The following ACLY variants were observed in gnomAD, a reference collection of about 807,000 sequenced individuals.
The protein encoded by ACLY is ATP-citrate synthase.
ACLY carries 41 observed loss-of-function variants against 133.0 expected under a neutral mutation model. The observed-to-expected ratio is 0.31, with a 90% CI of 0.24 to 0.40. ACLY has a LOEUF of 0.40. Among genes scored for constraint, ACLY ranks in the 10% least tolerant of loss-of-function variants. The pLI, the probability that ACLY is intolerant of heterozygous loss-of-function variation, is 1.00. For missense variants in ACLY, 1,046 were observed against 1,453.8 expected, an observed-to-expected ratio of 0.72 and a Z score of 4.56; for synonymous variants, 495 against 549.3, an observed-to-expected ratio of 0.90 and a Z score of 1.38.
chr17:41,901,639 A>C, intron 11 of ACLY, 57 bp downstream of exon 11: 1 of 1,453,402 alleles, frequency 6.9e-7, no homozygotes, highest in Non-Finnish European at 9.6e-7. Context: ...CAGAAATCCC[A>C]AAGAGGAAGG....
chr17:41,879,413 CT>C lies in ACLY; in HGVS notation c.2266-490del, dbSNP rs1190398954. ...GAGCCACCACGCCTGCCCCCCCCGC[CT>C]TTTTTTTTTTTTTTTTTTTAAGTGA... On this transcript the variant is annotated intron_variant, in intron 20 of 28. Coordinates refer to ENST00000352035, the MANE Select transcript of ACLY (RefSeq NM_001096.3). Among the ~76,000 whole-genome samples, 867 of 128,838 alleles carry C rather than the reference CT, an allele frequency of 6.7e-3. 1 individual carries two copies. The highest frequency in any genetic ancestry group is 0.022 in the Middle Eastern group (5 of 228). The allele number at this position is 128,838 out of a possible 152,430, so 84.5% of individuals were successfully genotyped here. A position where few individuals can be genotyped will look rare whatever the true frequency, so the allele number is the denominator to read the frequency against.
intron 16 of ACLY, among the ~76,000 whole-genome samples, chr17:41,891,378 C>T (rs1488977342): frequency 2.0e-5 from 3 of 151,866 alleles, no homozygotes; most frequent in Admixed American, 6.6e-5. Context: ...TGGGGTGGAG[C>T]CTGAGCCACC....
chr17:41,892,749 TC>T (rs1555629585), intron 15 of ACLY, among the ~76,000 whole-genome samples: 1 of 151,926 alleles, frequency 6.6e-6, no homozygotes, highest in African/African-American at 2.4e-5. Flanking sequence ...TAATTAGAGT[TC>T]ACTGCAGCCT....
At chr17:41,876,619 C>A (rs1230929889) in intron 22 of ACLY, among the ~76,000 whole-genome samples, 3 of 152,222 alleles carry the variant, frequency 2.0e-5, no homozygotes, top group Non-Finnish European at 4.4e-5. Context: ...TTATCCCCAA[C>A]CCTGTGCTCT....
In ACLY at chr17:41,913,740, T is replaced by C; in HGVS notation, c.134A>G (p.Gln45Arg). Reference sequence around the variant, plus strand: ...CTGGCTGAGCAGCCAGGGGTGGTCCTGCAGCAAGCGGGCCCAGTCTGTGTC... The same window carrying C: ...CTGGCTGAGCAGCCAGGGGTGGTCCCGCAGCAAGCGGGCCCAGTCTGTGTC... ...TPDTDWARLL[Q>R]DHPWLLSQNL... Residue 45 changes from glutamine to arginine, a missense_variant, in exon 2 of 29, where the codon CAG (glutamine) becomes CGG (arginine). Transcript: ENST00000352035. 6.2e-7 allele frequency: 1 copy of C among 1,614,204 alleles called. No homozygotes were observed. Among genetic ancestry groups the C allele is most frequent in the Admixed American group, 1.7e-5 (1 of 60,028 alleles).
At chr17:41,898,555 A>G in intron 12 of ACLY, 76 bp downstream of exon 12, 2 of 1,544,968 alleles carry the variant, frequency 1.3e-6, no homozygotes, top group Non-Finnish European at 1.8e-6. Context: ...CCCAGGGAAC[A>G]GAGGAAGAAG....
At chr17:41,868,967 GC>G (rs2144189157) in intron 27 of ACLY, 75 bp downstream of exon 27, 1 of 1,388,302 alleles carries the variant, frequency 7.2e-7, no homozygotes, top group East Asian at 2.3e-5. Context: ...TTATGAGTAT[GC>G]ATTACTTTTA....
Position 41,886,293 on chromosome 17 carries a change from G to T in ACLY, c.1891C>A (p.Pro631Thr). The change falls in exon 18 of 29, where the codon CCT becomes ACT. Residue 631 changes from proline (P) to threonine (T), a missense_variant. Pro to Thr is a conservative substitution (Grantham distance 38, BLOSUM62 -1). Around this residue, in one of 4 missense-constraint regions of ACLY, gnomAD observed 575 missense variants for 804.2 expected, o/e 0.71. Transcript: ENST00000352035. ...GTGTTGCCAATCTTAAAGCACCCAG[G>T]CTTGATGCCTCCAACCTGTGGGGGC... ...IGPATVGGIK[P>T]GCFKIGNTGG... 1 of 1,610,492 alleles carries T rather than the reference G, an allele frequency of 6.2e-7. No homozygotes were observed. The highest frequency in any genetic ancestry group is 8.5e-7 in the Non-Finnish European group (1 of 1,177,014).
intron 28 of ACLY, 90 bp downstream of exon 28, chr17:41,868,619 A>T: frequency 2.7e-5 from 20 of 747,506 alleles, no homozygotes; most frequent in African/African-American, 3.6e-5. Flanking sequence ...AAAAAAAGAA[A>T]GAAAAAGAAA....
chr17:41,912,651 C>A, intron 2 of ACLY, 109 bp from the exon 3 acceptor site: 1 of 1,351,806 alleles, frequency 7.4e-7, no homozygotes. Flanking sequence ...TCACTCTGCT[C>A]CAAAGCCAGC....
At chr17:41,872,277 G>T (rs1224828715) in intron 23 of ACLY, 95 bp from the exon 24 acceptor site, 5 of 1,251,050 alleles carry the variant, frequency 4.0e-6, no homozygotes, top group Non-Finnish European at 5.6e-6. Context: ...ATCCAAGAAG[G>T]GTAACTACCA....
chr17:41,880,122 T>C (rs2048877288), intron 20 of ACLY, among the ~76,000 whole-genome samples: 1 of 152,204 alleles, frequency 6.6e-6, no homozygotes, highest in Admixed American at 6.5e-5. Context: ...AGAGTAATCA[T>C]AGTACTATCT....
At chr17:41,870,535 G>C (rs2048571224) in intron 25 of ACLY, 1 of 152,234 alleles carries the variant, frequency 6.6e-6, no homozygotes, top group Admixed American at 6.5e-5. Flanking sequence ...TGGAGCTACA[G>C]AGCCAAGGAG....
chr17:41,912,392 C>T (rs1555633778), intron 3 of ACLY, 28 bp downstream of exon 3: 3 of 1,611,500 alleles, frequency 1.9e-6, no homozygotes, highest in Non-Finnish European at 2.5e-6. Flanking sequence ...TTACCACACA[C>T]GTTCATCCTG....
At chr17:41,896,754 G>T in intron 13 of ACLY, 105 bp from the exon 14 acceptor site, 1 of 1,074,906 alleles carries the variant, frequency 9.3e-7, no homozygotes, top group Non-Finnish European at 1.3e-6. Context: ...AGCCTTTCAG[G>T]GCTAAAGCCC....
At chr17:41,877,428 C>G (rs1555626367) in intron 22 of ACLY, among the ~76,000 whole-genome samples, 1 of 151,422 alleles carries the variant, frequency 6.6e-6, no homozygotes. Flanking sequence ...CAGGCATGAG[C>G]CACCAGGCCC....
rs1395897810 is a variant in ACLY at position 41,910,655 on chromosome 17, G to T, written c.283-371C>A. Among the ~76,000 whole-genome samples, 7 of 152,332 alleles carry T rather than the reference G, an allele frequency of 4.6e-5. No individual in the cohort carries two copies. In the East Asian group the frequency reaches 1.4e-3, roughly 29 times the overall value. On this transcript the variant is annotated intron_variant, in intron 3 of 28. Transcript: ENST00000352035. ...GTAACCATTCTGCTTCATGAGCCTT[G>T]AGGAAGGCACAGTGACTCAGCCTCA...
intron 18 of ACLY, among the ~76,000 whole-genome samples, chr17:41,884,933 G>A (rs556285850): frequency 6.6e-6 from 1 of 152,208 alleles, no homozygotes; most frequent in East Asian, 1.9e-4. Context: ...GTAGTGGTGC[G>A]ATGTTGGTGC....
In ACLY at chr17:41,867,737, C is replaced by T; in HGVS notation, c.*73G>A. 7.9e-7 allele frequency: 1 copy of T among 1,266,180 alleles called. No individual in the cohort carries two copies. The highest frequency in any genetic ancestry group is 1.1e-6 in the Non-Finnish European group (1 of 903,078). The allele number at this position is 1,266,180 out of a possible 1,614,324, so 78.4% of individuals were successfully genotyped here. On this transcript the variant is annotated 3_prime_UTR_variant, in exon 29 of 29. Coordinates refer to ENST00000352035, the MANE Select transcript of ACLY (RefSeq NM_001096.3). ...TGCTAAATAAAGCAGGCTCCACTGC[C>T]AGCTGTCTGTACACTTTTTCTTGGG...
Sources: gnomAD v4.1 joint callset for allele counts (sites outside exome capture counted in the v4.1 genomes callset) on GRCh38, gnomAD v4.1.1 for gene constraint, gnomAD v4.1.1 regional missense constraint, MANE v1.5 for transcripts, NCBI Gene and HGNC (gene_info 2026-07-23, HGNC 2026-07-21) for gene names.